Variants in TJAP1 observed in about 807,000 individuals in gnomAD.
The protein encoded by TJAP1 is tight junction associated protein 1.
A neutral mutation model predicts 42.0 loss-of-function variants in TJAP1; 27 were observed. The observed-to-expected ratio is 0.64, with a 90% CI of 0.47 to 0.89. TJAP1 has a LOEUF of 0.89. TJAP1 is among the 40% of genes least tolerant of loss of function. TJAP1 has a pLI of 0.00. For missense variants in TJAP1, 712 were observed against 726.9 expected (o/e 0.98, Z 0.24); for synonymous variants, 257 against 288.4 (o/e 0.89, Z 1.10).
In TJAP1 at chr6:43,504,101, A is replaced by T. The variant is rs899593729; in HGVS notation, c.579+395A>T. 210 of 346,180 alleles carry T rather than the reference A, an allele frequency of 6.1e-4. 2 individuals are homozygous for T. The highest frequency in any genetic ancestry group is 1.0e-3 in the East Asian group (15 of 14,660). The allele number at this position is 346,180 out of a possible 1,614,324, so 21.4% of individuals were successfully genotyped here. ...TTTATGTGGCCTGCAGAAGTAGAAG[A>T]AGTAGAGGTATTTCTTTTTTTTTTT... is the stretch of plus-strand genomic sequence containing the variant. On this transcript the variant is annotated intron_variant, in intron 10 of 10. Coordinates refer to ENST00000372449, the Ensembl canonical transcript of TJAP1.
rs1233333793 is a variant in TJAP1 at position 43,505,539 on chromosome 6, G to A, written c.1358G>A (p.Arg453Lys). Residue 453 changes from arginine (R) to lysine (K), a missense_variant, in exon 11 of 11, where the codon AGA becomes AAA. Physicochemically the swap from Arg to Lys is conservative, Grantham distance 26. This residue lies in a region of TJAP1 where 549 missense variants were observed against 528.2 expected (regional missense o/e 1.04). Transcript: ENST00000372449. The surrounding 1 kb of genome is among the most constrained non-coding windows in gnomAD (Gnocchi z 5.5). ...CATTTTGCCCATAGCCCCGCTGACA[G>A]AGATGAGGTGGTCCAGGCACCTTCT... 1.2e-6 allele frequency: 2 copies of A among 1,613,906 alleles called. No individual in the cohort carries two copies. The highest frequency in any genetic ancestry group is 1.7e-5 in the Admixed American group (1 of 60,028).
chr6:43,493,598 T>G (rs984706820), intron 2 of TJAP1, among the ~76,000 whole-genome samples: 9 of 152,210 alleles, frequency 5.9e-5, no homozygotes, highest in African/African-American at 2.2e-4. Flanking sequence ...GAAGGATGGA[T>G]GCTTGAACCT....
intron 10 of TJAP1, chr6:43,504,410 C>T (rs1469705776): frequency 1.8e-5 from 5 of 279,406 alleles, no homozygotes; most frequent in African/African-American, 1.1e-4. Flanking sequence ...CCACTGTGCC[C>T]GGCCCAGAAG....
chr6:43,491,496 G>A lies in TJAP1; in HGVS notation c.-121-6385G>A, dbSNP rs568501989. Among the ~76,000 whole-genome samples the A allele has an allele frequency of 1.2e-3, 184 of 152,230 alleles. 1 individual carries two copies. The highest frequency in any genetic ancestry group is 4.3e-3 in the African/African-American group (177 of 41,530). The stretch of plus-strand genomic sequence containing the variant: ...GTAGAGACGGGGTTTCTCCATGTTA[G>A]TCAGGCTGGTCTCGAACTCCCGACC... On this transcript the variant is annotated intron_variant, in intron 2 of 10. Coordinates refer to ENST00000372449, the Ensembl canonical transcript of TJAP1. The surrounding 1 kb of genome is among the most constrained non-coding windows in gnomAD (Gnocchi z 4.6).
At chr6:43,479,883 T>C (rs567794725) in intron 2 of TJAP1, among the ~76,000 whole-genome samples, 135 of 152,164 alleles carry the variant, frequency 8.9e-4, no homozygotes, top group Admixed American at 2.4e-3. Flanking sequence ...GGCAGGAGAA[T>C]CGCTTGAACC....
intron 8 of TJAP1, chr6:43,503,174 G>A (rs1238333860): frequency 1.7e-6 from 1 of 572,900 alleles, no homozygotes; most frequent in Middle Eastern, 4.7e-4. Flanking sequence ...TGTGTCCTGG[G>A]CCCAGGTGGC....
rs12660666 is a variant in TJAP1, at chr6:43,478,981, G to A, written c.-122+749G>A. On this transcript the variant is annotated intron_variant, in intron 2 of 10. Coordinates refer to ENST00000372449, the Ensembl canonical transcript of TJAP1. ...ATGGAACTTGCTCTTTTCTTTTCTG[G>A]TAGTTTTTTTCTCTCCTTTGTAATC... Among the ~76,000 whole-genome samples the A allele has an allele frequency of 5.9e-5, 9 of 152,290 alleles. No individual in the cohort carries two copies. In the East Asian group the frequency reaches 1.5e-3, roughly 26 times the overall value.
intron 2 of TJAP1, among the ~76,000 whole-genome samples, chr6:43,487,915 G>A (rs1786905591): frequency 6.8e-6 from 1 of 148,058 alleles, no homozygotes; most frequent in Admixed American, 6.7e-5. Context: ...TGTCACCCAG[G>A]CTGGAGTGCA....
intron 8 of TJAP1, chr6:43,502,898 G>A: frequency 1.8e-6 from 1 of 556,064 alleles, no homozygotes; most frequent in Non-Finnish European, 3.2e-6. Flanking sequence ...CTGTGGGAGT[G>A]GGGAGGGGAG....
At chr6:43,489,913 T>C (rs1787434814) in intron 2 of TJAP1, 1 of 152,386 alleles carries the variant, frequency 6.6e-6, no homozygotes, top group Non-Finnish European at 1.5e-5. Flanking sequence ...GGAGTTGGGC[T>C]GCTCACAAAC....
rs1436893344 is a variant in TJAP1, at chr6:43,503,392, G to A, written c.388-9G>A. 3.7e-6 allele frequency: 6 copies of A among 1,610,610 alleles called. No homozygotes were observed. Among genetic ancestry groups the A allele is most frequent in the Non-Finnish European group, 5.1e-6 (6 of 1,177,618 alleles). On this transcript the variant is annotated splice_polypyrimidine_tract_variant and intron_variant, in intron 8 of 10. Transcript: ENST00000372449. ...TGTGGGCTGGGTTAACCTCAAGTCT[G>A]TGCTTCAGATCAAGAAGGCTGAGAT...
At chr6:43,486,501 G>A (rs1426814431) in intron 2 of TJAP1, among the ~76,000 whole-genome samples, 2 of 151,812 alleles carry the variant, frequency 1.3e-5, no homozygotes, top group African/African-American at 4.8e-5. Flanking sequence ...GACTACAGGT[G>A]CCTGCCACCA....
rs1424502875 is a variant in TJAP1 at position 43,491,059 on chromosome 6, G to A, written c.-121-6822G>A. ...TGGTGCTAGGGAGGCTGGACAGGGG[G>A]AGCTTGAGAACAGAAGGCTGCCTAA... is the stretch of plus-strand genomic sequence containing the variant. On this transcript the variant is annotated intron_variant, in intron 2 of 10. Transcript: ENST00000372449. This position sits in a 1 kb window ranked among gnomAD's most constrained non-coding sequence, Gnocchi z 4.6. Among the ~76,000 whole-genome samples the A allele has an allele frequency of 6.6e-6, 1 of 152,172 alleles. No individual in the cohort carries two copies.
rs1182617113 is a variant in TJAP1, at chr6:43,501,379, A to C, written c.129-147A>C. ...GCAGGCCTATGAAATATGCTGCCTT[A>C]GACTCAGACTAAGACTCCAGGAGTT... On this transcript the variant is annotated intron_variant, in intron 5 of 10. Transcript: ENST00000372449. The C allele has an allele frequency of 4.2e-6, 3 of 712,808 alleles. No homozygotes were observed. In the East Asian group the frequency reaches 8.0e-5, roughly 19 times the overall value. 44.2% of individuals were successfully genotyped at this position (712,808 alleles called of 1,614,324 possible). A position where few individuals can be genotyped will look rare whatever the true frequency, so the allele number is the denominator to read the frequency against.
intron 5 of TJAP1, chr6:43,501,319 C>G (rs557944682): frequency 1.7e-6 from 1 of 576,266 alleles, no homozygotes; most frequent in East Asian, 2.9e-5. Context: ...TCTTCCTCCC[C>G]TGACCCTCCA....
chr6:43,487,808 C>T (rs952757391), intron 2 of TJAP1, among the ~76,000 whole-genome samples: 6 of 151,766 alleles, frequency 4.0e-5, no homozygotes, highest in Admixed American at 3.9e-4. Context: ...TTGTTCCTGC[C>T]TAACTTGTTT....
intron 2 of TJAP1, among the ~76,000 whole-genome samples, chr6:43,481,147 G>A (rs1413498301): frequency 6.6e-6 from 1 of 152,040 alleles, no homozygotes; most frequent in Admixed American, 6.6e-5. Context: ...AAATGTTTAG[G>A]GGCTGAGTTT....
intron 2 of TJAP1, chr6:43,497,624 G>A (rs1353167308): frequency 6.6e-6 from 1 of 152,258 alleles, no homozygotes; most frequent in African/African-American, 2.4e-5. Flanking sequence ...ATTGGGCAAT[G>A]TGCTGAGACC....
At chr6:43,501,355 C>G (rs941834536) in intron 5 of TJAP1, 171 bp from the exon 6 acceptor site, 8 of 623,778 alleles carry the variant, frequency 1.3e-5, no homozygotes, top group Admixed American at 1.2e-4. Context: ...CCAGGGCCAG[C>G]AGGCCTATGA....
Sources: gnomAD v4.1 joint callset for allele counts (sites outside exome capture counted in the v4.1 genomes callset) on GRCh38, gnomAD v4.1.1 for gene constraint, gnomAD v4.1.1 regional missense constraint, Gnocchi (gnomAD v3.1) non-coding constraint, MANE v1.5 for transcripts, NCBI Gene and HGNC (gene_info 2026-07-23, HGNC 2026-07-21) for gene names.